The following VRK1 variants were observed in gnomAD, a reference collection of about 807,000 sequenced individuals.
The protein encoded by VRK1 is VRK serine/threonine kinase 1.
Under a neutral mutation model 57.1 loss-of-function variants are expected in VRK1, and 33 were observed. The observed-to-expected ratio is 0.58, with a 90% CI of 0.44 to 0.77. The LOEUF is 0.77. Among genes scored for constraint, VRK1 ranks in the 30% least tolerant of loss-of-function variants. The pLI, the probability that VRK1 is intolerant of heterozygous loss-of-function variation, is 0.00. For synonymous variants in VRK1, 137 were observed against 147.8 expected, an observed-to-expected ratio of 0.93 and a Z score of 0.53; for missense variants, 413 against 477.3, an observed-to-expected ratio of 0.87 and a Z score of 1.25.
chr14:96,865,017 AGT>A (rs1461752557), intron 11 of VRK1, among the ~76,000 whole-genome samples: 2 of 151,994 alleles, frequency 1.3e-5, no homozygotes, highest in East Asian at 3.9e-4. Flanking sequence ...ATCATCTTCC[AGT>A]TGGTGTTTAA....
intron 11 of VRK1, among the ~76,000 whole-genome samples, chr14:96,872,739 T>C (rs1194525174): frequency 6.6e-6 from 1 of 152,234 alleles, no homozygotes. Context: ...AGATTTTAAC[T>C]AAATCTATTA....
intron 3 of VRK1, among the ~76,000 whole-genome samples, chr14:96,843,133 T>C (rs895495356): frequency 6.6e-6 from 1 of 152,252 alleles, no homozygotes; most frequent in Non-Finnish European, 1.5e-5. Context: ...GCTTTAATCC[T>C]TGACCTACAG....
At chr14:96,865,160 G>GA (rs148502957) in intron 11 of VRK1, among the ~76,000 whole-genome samples, 20,261 of 152,178 alleles carry the variant, frequency 0.13, 1,688 homozygotes, top group Non-Finnish European at 0.19. Context: ...TTAGGATCAT[G>GA]AAGATATGTT....
At chr14:96,860,841 C>T in intron 11 of VRK1, 106 bp downstream of exon 11, 3 of 1,241,070 alleles carry the variant, frequency 2.4e-6, no homozygotes, top group Non-Finnish European at 2.3e-6. Flanking sequence ...TAACAGATTG[C>T]ATGGCAATTA....
intron 1 of VRK1, among the ~76,000 whole-genome samples, chr14:96,801,155 A>G (rs1156315698): frequency 6.6e-6 from 1 of 152,168 alleles, no homozygotes; most frequent in Non-Finnish European, 1.5e-5. Context: ...TCTGCTCTAG[A>G]CTTAGATACT....
chr14:96,867,211 C>CT (rs902384690), intron 11 of VRK1, among the ~76,000 whole-genome samples: 2 of 152,030 alleles, frequency 1.3e-5, no homozygotes, highest in African/African-American at 4.8e-5. Flanking sequence ...TATGCTCAAT[C>CT]TTTTTTTAAA....
chr14:96,801,705 A>G (rs1224379033), intron 1 of VRK1, among the ~76,000 whole-genome samples: 3 of 152,240 alleles, frequency 2.0e-5, no homozygotes, highest in South Asian at 4.1e-4. Flanking sequence ...ATATTTGTAT[A>G]TGTACTATAT....
intron 5 of VRK1, among the ~76,000 whole-genome samples, chr14:96,849,233 G>A (rs1887848377): frequency 6.6e-6 from 1 of 152,118 alleles, no homozygotes; most frequent in Non-Finnish European, 1.5e-5. Flanking sequence ...CTAAAGGGGA[G>A]TAAGACAAGA....
intron 1 of VRK1, among the ~76,000 whole-genome samples, chr14:96,824,190 G>T (rs1886712756): frequency 1.3e-5 from 2 of 152,082 alleles, no homozygotes; most frequent in East Asian, 1.9e-4. Flanking sequence ...AATGTAGGTG[G>T]TCTGCTTTTT....
chr14:96,800,133 T>A (rs1328883521), intron 1 of VRK1, among the ~76,000 whole-genome samples: 1 of 152,134 alleles, frequency 6.6e-6, no homozygotes, highest in Non-Finnish European at 1.5e-5. Context: ...GTAACCAAGA[T>A]GTATTTTTAC....
chr14:96,875,942 A>G (rs1889010976), intron 11 of VRK1, 88 bp from the exon 12 acceptor site: 11 of 1,386,778 alleles, frequency 7.9e-6, no homozygotes, highest in Non-Finnish European at 1.0e-5. Context: ...ATATACATTT[A>G]TACACACACA....
Position 96,876,033 on chromosome 14 carries a change from CGAAA to C in VRK1, c.1081_1084del (p.Glu361LeufsTer65), listed in dbSNP as rs1566721633. The C allele has an allele frequency of 1.9e-6, 3 of 1,612,354 alleles. No homozygotes were observed. The highest frequency in any genetic ancestry group is 2.7e-5 in the African/African-American group (2 of 74,882). The stretch of plus-strand genomic sequence containing the variant: ...TCTCTTTAATTTTATATGTAAGAAG[CGAAA>C]GAAAGAAATTGAAGAAAGCAAGGAA... On this transcript the variant is annotated frameshift_variant, in exon 12 of 13. Transcript: ENST00000216639. LOFTEE classifies it high-confidence loss of function.
rs182859142 is a variant in VRK1, at chr14:96,863,933, C to T, written c.1068+3198C>T. Among the ~76,000 whole-genome samples, 209 of 152,278 alleles carry T rather than the reference C, an allele frequency of 1.4e-3. 1 individual carries two copies. The highest frequency in any genetic ancestry group is 4.0e-3 in the Admixed American group (61 of 15,296). On this transcript the variant is annotated intron_variant, in intron 11 of 12. Coordinates refer to ENST00000216639, the MANE Select transcript of VRK1 (RefSeq NM_003384.3). ...CTTTCTTTCTGAAGGGATTGCACCT[C>T]GTACAGCCTTTATACCATTGTAGCC...
chr14:96,877,976 ATAATT>A (rs1889110189), intron 12 of VRK1, among the ~76,000 whole-genome samples: 1 of 152,190 alleles, frequency 6.6e-6, no homozygotes, highest in Non-Finnish European at 1.5e-5. Context: ...AAAGTCATAA[ATAATT>A]TAAGGAGAAC....
intron 11 of VRK1, among the ~76,000 whole-genome samples, chr14:96,872,114 A>G (rs1888845460): frequency 6.6e-6 from 1 of 152,148 alleles, no homozygotes; most frequent in Non-Finnish European, 1.5e-5. Flanking sequence ...CTCTAGCAGG[A>G]TATTTTTAGA....
In VRK1 at chr14:96,866,657, C is replaced by G. The variant is rs10129400; in HGVS notation, c.1068+5922C>G. On this transcript the variant is annotated intron_variant, in intron 11 of 12. Transcript: ENST00000216639. ...AGTAGGGAGGGTTTCCTCTTTTCAA[C>G]GGGCTTAAGTCTTTTCTCCCCCAAG... Among the ~76,000 whole-genome samples, 1,500 of 152,160 alleles carry G rather than the reference C, an allele frequency of 9.9e-3. 26 individuals are homozygous for G. Among genetic ancestry groups the G allele is most frequent in the African/African-American group, 0.034 (1,401 of 41,512 alleles).
In VRK1 at chr14:96,881,398, A is replaced by G; in HGVS notation, c.*190A>G. On this transcript the variant is annotated 3_prime_UTR_variant, in exon 13 of 13. Coordinates refer to ENST00000216639, the MANE Select transcript of VRK1 (RefSeq NM_003384.3). ...ACAATTCATTAAAGGCTAATTTATG[A>G]AATTTGAAAATCTTCAGGTTATACT... is the stretch of plus-strand genomic sequence containing the variant. 1 of 566,438 alleles carries G rather than the reference A, an allele frequency of 1.8e-6. No homozygotes were observed. The highest frequency in any genetic ancestry group is 3.0e-6 in the Non-Finnish European group (1 of 331,896). The allele number at this position is 566,438 out of a possible 1,614,324, so 35.1% of individuals were successfully genotyped here.
Position 96,881,297 on chromosome 14 carries a change from G to A in VRK1, c.*89G>A. The A allele has an allele frequency of 8.3e-7, 1 of 1,200,108 alleles. No individual in the cohort carries two copies. The highest frequency in any genetic ancestry group is 1.2e-6 in the Non-Finnish European group (1 of 838,530). 74.3% of individuals were successfully genotyped at this position (1,200,108 alleles called of 1,614,324 possible). ...TTTGAACTGTTTTATTTTCCTGTGA[G>A]TCTTGCGAGGTGGAAGTAATGATTA... is the stretch of plus-strand genomic sequence containing the variant. On this transcript the variant is annotated 3_prime_UTR_variant, in exon 13 of 13. Transcript: ENST00000216639.
chr14:96,844,783 C>A (rs1887609937), intron 3 of VRK1, among the ~76,000 whole-genome samples: 1 of 152,192 alleles, frequency 6.6e-6, no homozygotes, highest in Non-Finnish European at 1.5e-5. Flanking sequence ...CTCAAGTGAT[C>A]CGCCCGTCTT....
Sources: gnomAD v4.1 joint callset for allele counts (sites outside exome capture counted in the v4.1 genomes callset) on GRCh38, gnomAD v4.1.1 for gene constraint, MANE v1.5 for transcripts, NCBI Gene and HGNC (gene_info 2026-07-23, HGNC 2026-07-21) for gene names.